Variants in MPLKIP observed in about 807,000 individuals in gnomAD.
MPLKIP encodes the protein M-phase-specific PLK1-interacting protein.
Under a neutral mutation model 16.9 loss-of-function variants are expected in MPLKIP, and 16 were observed. The ratio of observed to expected loss-of-function variants is 0.94; its 90% confidence interval spans 0.64 to 1.43. The LOEUF (loss-of-function observed/expected upper bound fraction) is 1.43. MPLKIP is among the 40% of genes most tolerant of loss of function. The probability of loss-of-function intolerance (pLI) is 0.00; values close to 1 mark genes in which losing one functional copy is unlikely to be tolerated. For synonymous variants in MPLKIP, 126 were observed against 98.4 expected, an observed-to-expected ratio of 1.28 and a Z score of -1.66; for missense variants, 282 against 237.6, an observed-to-expected ratio of 1.19 and a Z score of -1.23.
In MPLKIP at chr7:40,131,359, C is replaced by T. The variant is rs1787460122; in HGVS notation, c.*1700G>A. 1.3e-5 allele frequency: 2 copies of T among 152,068 alleles called. No individual in the cohort carries two copies. Among genetic ancestry groups the T allele is most frequent in the South Asian group, 2.1e-4 (1 of 4,826 alleles). 9.4% of individuals were successfully genotyped at this position (152,068 alleles called of 1,614,324 possible). On this transcript the variant is annotated 3_prime_UTR_variant, in exon 2 of 2. Transcript: ENST00000306984. ...ACAAAAGTTTTACTAGCTCTATCTT[C>T]GTATTTTGTAACTTCAAAATGCCTA...
At position 40,134,391 on chromosome 7, in the gene MPLKIP, C is replaced by T; in HGVS notation, c.177G>A (p.Arg59=). 2 of 1,560,900 alleles carry T rather than the reference C, an allele frequency of 1.3e-6. No homozygotes were observed. Among genetic ancestry groups the T allele is most frequent in the East Asian group, 2.4e-5 (1 of 41,828 alleles). Residue 59 remains arginine (R), a synonymous_variant, in exon 1 of 2, where the codon AGG becomes AGA. Coordinates refer to ENST00000306984, the MANE Select transcript of MPLKIP (RefSeq NM_138701.4). ...GCGGAGAGTGACTGCTCCCGTACGG[C>T]CTAGACCGGGGCCCGTACGGCGGCG... ...HHTPPYGPRS[R]PYGSSHSPRH... is the part of the protein sequence containing the mutation.
rs1787409217 is a variant in MPLKIP at position 40,127,664 on chromosome 7, T to G, written c.*5395A>C. 6.6e-6 allele frequency: 1 copy of G among 152,168 alleles called. No individual in the cohort carries two copies. The highest frequency in any genetic ancestry group is 6.5e-5 in the Admixed American group (1 of 15,274). 9.4% of individuals were successfully genotyped at this position (152,168 alleles called of 1,614,324 possible). ...ATGTCACAGCTTAACTGGCAGTATT[T>G]TTACTAAGTGGCATATAAAATAATA... is the stretch of plus-strand genomic sequence containing the variant. On this transcript the variant is annotated 3_prime_UTR_variant, in exon 2 of 2. Transcript: ENST00000306984.
At position 40,131,133 on chromosome 7, in the gene MPLKIP, A is replaced by C. The variant is rs1787454918; in HGVS notation, c.*1926T>G. 6.6e-6 allele frequency: 1 copy of C among 151,476 alleles called. No homozygotes were observed. Among genetic ancestry groups the C allele is most frequent in the African/African-American group, 2.5e-5 (1 of 40,788 alleles). 9.4% of individuals were successfully genotyped at this position (151,476 alleles called of 1,614,324 possible). A position where few individuals can be genotyped will look rare whatever the true frequency, so the allele number is the denominator to read the frequency against. On this transcript the variant is annotated 3_prime_UTR_variant, in exon 2 of 2. Transcript: ENST00000306984. ...CACATGAGAAAATTGAGGCATAGAG[A>C]AGTGAACTCATCCAGCTAGTAACTT...
rs1787465634 is a variant in MPLKIP at position 40,131,753 on chromosome 7, G to C, written c.*1306C>G. On this transcript the variant is annotated 3_prime_UTR_variant, in exon 2 of 2. Coordinates refer to ENST00000306984, the MANE Select transcript of MPLKIP (RefSeq NM_138701.4). ...CTCAGGAGGTCGAGGCGGGAGACTC[G>C]TATGAACCTGGGAGGCGGACGTTGC... 6.6e-6 allele frequency: 1 copy of C among 152,216 alleles called. No homozygotes were observed. Among genetic ancestry groups the C allele is most frequent in the South Asian group, 2.1e-4 (1 of 4,824 alleles). 9.4% of individuals were successfully genotyped at this position (152,216 alleles called of 1,614,324 possible). A position where few individuals can be genotyped will look rare whatever the true frequency, so the allele number is the denominator to read the frequency against.
chr7:40,133,363 A>C, intron 1 of MPLKIP, 104 bp from the exon 2 acceptor site: 2 of 977,290 alleles, frequency 2.0e-6, no homozygotes, highest in Non-Finnish European at 3.2e-6. Flanking sequence ...AAAAGTTGTG[A>C]CTTGAACCTA....
At position 40,134,283 on chromosome 7, in the gene MPLKIP, C is replaced by G. The variant is rs1399254108; in HGVS notation, c.285G>C (p.Ala95=). 6.4e-7 allele frequency: 1 copy of G among 1,560,430 alleles called. No individual in the cohort carries two copies. Among genetic ancestry groups the G allele is most frequent in the East Asian group, 2.4e-5 (1 of 41,766 alleles). ...AGTAGCCGAATTGCTGCTGGGACCC[C>G]GCGGGGGACCTGGAGTAGGAGCCAG... The part of the protein sequence containing the change: ...GYPGSYSRSP[A]GSQQQFGYSP... Residue 95 remains alanine (A), a synonymous_variant, in exon 1 of 2, where the codon GCG becomes GCC. Transcript: ENST00000306984.
In MPLKIP at chr7:40,128,586, A is replaced by T. The variant is rs1216350505; in HGVS notation, c.*4473T>A. 2.6e-5 allele frequency: 4 copies of T among 152,178 alleles called. No homozygotes were observed. Among genetic ancestry groups the T allele is most frequent in the Non-Finnish European group, 5.9e-5 (4 of 68,026 alleles). 9.4% of individuals were successfully genotyped at this position (152,178 alleles called of 1,614,324 possible). A position where few individuals can be genotyped will look rare whatever the true frequency, so the allele number is the denominator to read the frequency against. On this transcript the variant is annotated 3_prime_UTR_variant, in exon 2 of 2. Transcript: ENST00000306984. ...TGCAAACTATGCTACTGAGACAGGAATTGAGATATCTTCATCAGGCTCTTT... is the reference window on the plus strand; with the variant it reads ...TGCAAACTATGCTACTGAGACAGGATTTGAGATATCTTCATCAGGCTCTTT...
rs1419413231 is a variant in MPLKIP, at chr7:40,128,718, C to CA, written c.*4340dup. ...GATCATGAGGTCAGGAGATTGAGAC[C>CA]ATCCTGGCTAACAGGGTGAAACCCT... On this transcript the variant is annotated 3_prime_UTR_variant, in exon 2 of 2. Coordinates refer to ENST00000306984, the MANE Select transcript of MPLKIP (RefSeq NM_138701.4). 1 of 152,168 alleles carries CA rather than the reference C, an allele frequency of 6.6e-6. No homozygotes were observed. Among genetic ancestry groups the CA allele is most frequent in the Non-Finnish European group, 1.5e-5 (1 of 68,110 alleles). The allele number at this position is 152,168 out of a possible 1,614,324, so 9.4% of individuals were successfully genotyped here.
In MPLKIP at chr7:40,133,056, A is replaced by C; in HGVS notation, c.*3T>G. 1 of 1,613,478 alleles carries C rather than the reference A, an allele frequency of 6.2e-7. No individual in the cohort carries two copies. Among genetic ancestry groups the C allele is most frequent in the Non-Finnish European group, 8.5e-7 (1 of 1,179,576 alleles). ...TGAAGCTTCCAGTTGAATTTCAGAA[A>C]TGTTAACAAAAGTATCTTCCTTTTT... On this transcript the variant is annotated 3_prime_UTR_variant, in exon 2 of 2. Transcript: ENST00000306984.
intron 1 of MPLKIP, 69 bp from the exon 2 acceptor site, chr7:40,133,328 G>C: frequency 7.3e-7 from 1 of 1,376,246 alleles, no homozygotes; most frequent in Non-Finnish European, 1.0e-6. Flanking sequence ...TTAGCTAAAG[G>C]TTAGCGGGAA....
intron 1 of MPLKIP, 120 bp downstream of exon 1, chr7:40,134,109 A>C (rs950565625): frequency 1.0e-5 from 12 of 1,199,516 alleles, no homozygotes; most frequent in Non-Finnish European, 1.3e-5. Context: ...GCTCATCTGC[A>C]AAATTGGGCT....
chr7:40,134,273 G>T lies in MPLKIP; in HGVS notation c.295C>A (p.Gln99Lys). The T allele has an allele frequency of 1.3e-6, 2 of 1,561,596 alleles. No homozygotes were observed. The highest frequency in any genetic ancestry group is 8.7e-7 in the Non-Finnish European group (1 of 1,152,740). The change falls in exon 1 of 2, where the codon CAG becomes AAG. Residue 99 changes from glutamine to lysine, a missense_variant. Transcript: ENST00000306984. ...SYSRSPAGSQ[Q>K]QFGYSPGQQQ... Reference sequence around the variant, plus strand: ...TGCCCTGGGGAGTAGCCGAATTGCTGCTGGGACCCCGCGGGGGACCTGGAG... The same window carrying T: ...TGCCCTGGGGAGTAGCCGAATTGCTTCTGGGACCCCGCGGGGGACCTGGAG...
At position 40,134,551 on chromosome 7, in the gene MPLKIP, A is replaced by G; in HGVS notation, c.17T>C (p.Phe6Ser). The G allele has an allele frequency of 6.3e-7, 1 of 1,592,186 alleles. No homozygotes were observed. Among genetic ancestry groups the G allele is most frequent in the Non-Finnish European group, 8.5e-7 (1 of 1,171,566 alleles). MQRQN[F>S]RPPTPPYPGP... Reference sequence around the variant, plus strand: ...AGGGTAAGGAGGAGTTGGGGGCCGAAAATTCTGTCGCTGCATATCAGGAGC... The same window carrying G: ...AGGGTAAGGAGGAGTTGGGGGCCGAGAATTCTGTCGCTGCATATCAGGAGC... Residue 6 changes from phenylalanine (F) to serine (S), a missense_variant, in exon 1 of 2, where the codon TTT becomes TCT. By Grantham distance (155) the Phe-to-Ser change is radical. Transcript: ENST00000306984.
At chr7:40,133,928 A>G (rs1358074791) in intron 1 of MPLKIP, among the ~76,000 whole-genome samples, 3 of 152,070 alleles carry the variant, frequency 2.0e-5, no homozygotes, top group Non-Finnish European at 4.4e-5. Flanking sequence ...ATTTCTTGAA[A>G]CAAACTGGCA....
chr7:40,129,375 G>GCCTCCC lies in MPLKIP; in HGVS notation c.*3678_*3683dup, dbSNP rs1453127152. 1 of 151,696 alleles carries GCCTCCC rather than the reference G, an allele frequency of 6.6e-6. No homozygotes were observed. The highest frequency in any genetic ancestry group is 2.4e-5 in the African/African-American group (1 of 41,250). 9.4% of individuals were successfully genotyped at this position (151,696 alleles called of 1,614,324 possible). A position where few individuals can be genotyped will look rare whatever the true frequency, so the allele number is the denominator to read the frequency against. ...GGGTTCAAGTGATTCTTCTGCCTCA[G>GCCTCCC]CCTCCCCAGTAGCTGGTATTACAGG... On this transcript the variant is annotated 3_prime_UTR_variant, in exon 2 of 2. Coordinates refer to ENST00000306984, the MANE Select transcript of MPLKIP (RefSeq NM_138701.4).
chr7:40,133,010 G>C lies in MPLKIP; in HGVS notation c.*49C>G, dbSNP rs1275152157. 1 of 1,525,214 alleles carries C rather than the reference G, an allele frequency of 6.6e-7. No homozygotes were observed. The highest frequency in any genetic ancestry group is 9.1e-7 in the Non-Finnish European group (1 of 1,103,202). 94.5% of individuals were successfully genotyped at this position (1,525,214 alleles called of 1,614,324 possible). On this transcript the variant is annotated 3_prime_UTR_variant, in exon 2 of 2. Coordinates refer to ENST00000306984, the MANE Select transcript of MPLKIP (RefSeq NM_138701.4). Reference sequence around the variant, plus strand: ...TTATATCAACACAACTTAAAGTTTTGTCCAAGATGTTCCTGACACATGAAG... The same window carrying C: ...TTATATCAACACAACTTAAAGTTTTCTCCAAGATGTTCCTGACACATGAAG...
In MPLKIP at chr7:40,132,923, G is replaced by T; in HGVS notation, c.*136C>A. 1.2e-6 allele frequency: 1 copy of T among 801,966 alleles called. No individual in the cohort carries two copies. The allele number at this position is 801,966 out of a possible 1,614,324, so 49.7% of individuals were successfully genotyped here. On this transcript the variant is annotated 3_prime_UTR_variant, in exon 2 of 2. Transcript: ENST00000306984. ...CTCTAATATCAACAATACCTGATACGATGAAAAATAACAAAAAGACCTTAC... is the reference window on the plus strand; with the variant it reads ...CTCTAATATCAACAATACCTGATACTATGAAAAATAACAAAAAGACCTTAC...
chr7:40,126,099 A>G lies in MPLKIP; in HGVS notation c.*6960T>C, dbSNP rs1430000178. On this transcript the variant is annotated 3_prime_UTR_variant, in exon 2 of 2. Coordinates refer to ENST00000306984, the MANE Select transcript of MPLKIP (RefSeq NM_138701.4). ...GTTGACTTGAAATACATATCCACTCACACATCCATGTCCATCTGAAGCTTG... is the reference window on the plus strand; with the variant it reads ...GTTGACTTGAAATACATATCCACTCGCACATCCATGTCCATCTGAAGCTTG... 1 of 152,176 alleles carries G rather than the reference A, an allele frequency of 6.6e-6. No homozygotes were observed. Among genetic ancestry groups the G allele is most frequent in the Non-Finnish European group, 1.5e-5 (1 of 68,036 alleles). The allele number at this position is 152,176 out of a possible 1,614,324, so 9.4% of individuals were successfully genotyped here.
Position 40,129,099 on chromosome 7 carries a change from A to T in MPLKIP, c.*3960T>A, listed in dbSNP as rs547005807. ...GTATCTTTTCCTTCATGTTAAACTC[A>T]TGCTCTTTGCTTTCCTTTCACACAA... On this transcript the variant is annotated 3_prime_UTR_variant, in exon 2 of 2. Coordinates refer to ENST00000306984, the MANE Select transcript of MPLKIP (RefSeq NM_138701.4). The T allele has an allele frequency of 6.6e-6, 1 of 152,162 alleles. No homozygotes were observed. The highest frequency in any genetic ancestry group is 2.4e-5 in the African/African-American group (1 of 41,528). 9.4% of individuals were successfully genotyped at this position (152,162 alleles called of 1,614,324 possible).
Sources: allele counts gnomAD v4.1 joint callset (sites outside exome capture counted in the v4.1 genomes callset), GRCh38; gene constraint gnomAD v4.1.1; transcripts MANE v1.5; gene names NCBI Gene and HGNC (gene_info 2026-07-23, HGNC 2026-07-21).